The following RANBP2 variants were observed in gnomAD, a reference collection of about 807,000 sequenced individuals.
RANBP2 encodes the protein RAN binding protein 2.
RANBP2 carries 57 observed loss-of-function variants against 303.6 expected under a neutral mutation model. The ratio of observed to expected loss-of-function variants is 0.19; its 90% CI spans 0.15 to 0.23. RANBP2 has a LOEUF of 0.23. Among genes scored for constraint, RANBP2 ranks in the 10% least tolerant of loss-of-function variants. RANBP2 has a pLI of 1.00. For missense variants in RANBP2, 3,138 were observed against 3,780.8 expected, an observed-to-expected ratio of 0.83 and a Z score of 4.46; for synonymous variants, 1,167 against 1,301.5, an observed-to-expected ratio of 0.90 and a Z score of 2.23.
chr2:109,102,939 G>C, the RANBP2 span, among the ~76,000 whole-genome samples: 5 of 152,282 alleles, frequency 3.3e-5, no homozygotes, highest in South Asian at 1.0e-3. Flanking sequence ...TGAGAGGAGC[G>C]GATTGCAACG....
At chr2:108,830,345 C>T in the RANBP2 span, among the ~76,000 whole-genome samples, 5 of 152,170 alleles carry the variant, frequency 3.3e-5, no homozygotes, top group South Asian at 4.1e-4. Context: ...ATGATGGTTA[C>T]ACAACAGTGT....
chr2:109,738,045 GTTGA>G, the RANBP2 span, among the ~76,000 whole-genome samples: 2 of 150,964 alleles, frequency 1.3e-5, no homozygotes, highest in Non-Finnish European at 1.5e-5. Flanking sequence ...TCTTTACTCT[GTTGA>G]TTGTTTCCTT....
At chr2:109,320,104 CA>C in the RANBP2 span, among the ~76,000 whole-genome samples, 1 of 152,186 alleles carries the variant, frequency 6.6e-6, no homozygotes, top group East Asian at 1.9e-4. Flanking sequence ...GGCCTGGAAC[CA>C]AGTCCTACTA....
At chr2:108,907,721 C>G in the RANBP2 span, 1 of 948,644 alleles carries the variant, frequency 1.1e-6, no homozygotes, top group Non-Finnish European at 1.7e-6. Context: ...GAACTTGTCA[C>G]TGTCCAGGTC....
At chr2:109,778,225 C>A in the RANBP2 span, among the ~76,000 whole-genome samples, 1 of 136,904 alleles carries the variant, frequency 7.3e-6, no homozygotes, top group African/African-American at 2.8e-5. Context: ...AGTGTAAGGC[C>A]CTAGGGTTGA....
the RANBP2 span, among the ~76,000 whole-genome samples, chr2:109,257,582 C>T: frequency 2.6e-5 from 4 of 152,078 alleles, no homozygotes. Flanking sequence ...TTACTTTCTT[C>T]CCTTGACCAC....
chr2:109,353,451 T>C, the RANBP2 span, among the ~76,000 whole-genome samples: 1 of 152,208 alleles, frequency 6.6e-6, no homozygotes, highest in East Asian at 1.9e-4. Context: ...TAGGTGTTCA[T>C]AGTCACGTGA....
chr2:109,447,147 TAAA>T, the RANBP2 span, among the ~76,000 whole-genome samples: 1,465 of 82,698 alleles, frequency 0.018, 27 homozygotes, highest in African/African-American at 0.052. Flanking sequence ...CCTGAATATT[TAAA>T]AAAAAAAAAA....
At chr2:109,134,351 C>T in the RANBP2 span, among the ~76,000 whole-genome samples, 5 of 152,092 alleles carry the variant, frequency 3.3e-5, no homozygotes, top group Non-Finnish European at 7.4e-5. Context: ...CACTTGGGGG[C>T]CTCACCAAAA....
At chr2:109,612,215 TACTA>T in the RANBP2 span, among the ~76,000 whole-genome samples, 1 of 151,768 alleles carries the variant, frequency 6.6e-6, no homozygotes, top group African/African-American at 2.4e-5. Flanking sequence ...CTCAAAAGGT[TACTA>T]ACTGGGTGAT....
the RANBP2 span, among the ~76,000 whole-genome samples, chr2:109,468,333 A>T: frequency 2.0e-5 from 3 of 152,204 alleles, no homozygotes; most frequent in African/African-American, 7.2e-5. Flanking sequence ...TAGGAAGGGG[A>T]ATGCGTTGCA....
the RANBP2 span, among the ~76,000 whole-genome samples, chr2:109,444,219 C>T: frequency 6.6e-6 from 1 of 152,254 alleles, no homozygotes; most frequent in East Asian, 1.9e-4. Flanking sequence ...TGAAAAAGAA[C>T]AGTGAACTTG....
chr2:109,644,747 G>A, the RANBP2 span, among the ~76,000 whole-genome samples: 30 of 152,248 alleles, frequency 2.0e-4, no homozygotes, highest in African/African-American at 4.6e-4. Context: ...GTCAGCCTGC[G>A]GCCTGCCCTC....
chr2:108,917,133 C>T, the RANBP2 span, among the ~76,000 whole-genome samples: 1 of 152,196 alleles, frequency 6.6e-6, no homozygotes, highest in South Asian at 2.1e-4. Flanking sequence ...GTCACAGCTC[C>T]GTGGCCGACA....
chr2:109,515,220 C>T, the RANBP2 span, among the ~76,000 whole-genome samples: 1 of 152,302 alleles, frequency 6.6e-6, no homozygotes, highest in East Asian at 1.9e-4. Context: ...CTCGGCGGCA[C>T]CCAGCACCCC....
At chr2:108,966,947 T>C in the RANBP2 span, among the ~76,000 whole-genome samples, 4 of 152,228 alleles carry the variant, frequency 2.6e-5, no homozygotes, top group African/African-American at 9.6e-5. Context: ...GTTTGTTTGT[T>C]TGTTTGAGAT....
the RANBP2 span, among the ~76,000 whole-genome samples, chr2:109,132,404 C>CT: frequency 6.6e-6 from 1 of 152,274 alleles, no homozygotes; most frequent in South Asian, 2.1e-4. Context: ...TTCCTGAACT[C>CT]TTTACCTGTT....
Position 108,742,090 on chromosome 2 carries a change from G to A in RANBP2, c.975+1409G>A, listed in dbSNP as rs1339443759. On this transcript the variant is annotated intron_variant, in intron 7 of 28. Coordinates refer to ENST00000283195, the MANE Select transcript of RANBP2 (RefSeq NM_006267.5). ...GGCTCACTGCAACCTCTGCCTTCCC[G>A]GGTTCAAGCGATTGTCCTGCTTCAG... 4.0e-5 allele frequency among the ~76,000 whole-genome samples: 6 copies of A among 151,828 alleles called. No individual in the cohort carries two copies. The East Asian group carries it at 5.9e-4, about 15-fold the overall frequency.
the RANBP2 span, among the ~76,000 whole-genome samples, chr2:109,156,563 A>G: frequency 6.6e-6 from 1 of 151,914 alleles, no homozygotes; most frequent in Non-Finnish European, 1.5e-5. Context: ...CTTCTGCCTC[A>G]GCCTTCTGAG....
Sources: allele counts gnomAD v4.1 joint callset (sites outside exome capture counted in the v4.1 genomes callset), GRCh38; gene constraint gnomAD v4.1.1; transcripts MANE v1.5; gene names NCBI Gene and HGNC (gene_info 2026-07-23, HGNC 2026-07-21).